Variants in AKAP19 observed in about 807,000 individuals in gnomAD.
AKAP19 encodes A-kinase anchoring protein 19.
the AKAP19 span, among the ~76,000 whole-genome samples, chr2:190,058,818 T>A: frequency 6.6e-6 from 1 of 151,800 alleles, no homozygotes; most frequent in African/African-American, 2.4e-5. Context: ...TACAGAGTAG[T>A]ATAAGGTACT....
the AKAP19 span, among the ~76,000 whole-genome samples, chr2:189,928,025 G>A: frequency 9.9e-5 from 15 of 152,052 alleles, no homozygotes; most frequent in East Asian, 5.8e-4. Flanking sequence ...GAATGATTGC[G>A]CAATCAAGTG....
the AKAP19 span, among the ~76,000 whole-genome samples, chr2:190,101,340 C>T: frequency 6.6e-6 from 1 of 152,222 alleles, no homozygotes. Flanking sequence ...ACAAGGCTTG[C>T]AGCCAGGACC....
the AKAP19 span, chr2:189,917,638 C>T: frequency 3.2e-6 from 1 of 310,642 alleles, no homozygotes; most frequent in African/African-American, 2.2e-5. Context: ...TTTCTTGTAT[C>T]CAAGTTAGCT....
chr2:190,184,185 CA>C, the AKAP19 span, among the ~76,000 whole-genome samples: 3 of 152,082 alleles, frequency 2.0e-5, no homozygotes, highest in East Asian at 5.8e-4. Context: ...GAGTGTTTCA[CA>C]AGGGGCTGAA....
At chr2:190,052,139 A>T in the AKAP19 span, among the ~76,000 whole-genome samples, 127 of 152,140 alleles carry the variant, frequency 8.3e-4, 1 homozygote, top group Non-Finnish European at 1.2e-4. Context: ...TTTCTTTACT[A>T]TAATTTTTAT....
chr2:190,030,805 A>G, the AKAP19 span, among the ~76,000 whole-genome samples: 1 of 152,238 alleles, frequency 6.6e-6, no homozygotes, highest in African/African-American at 2.4e-5. Flanking sequence ...AGACACAGAA[A>G]AGTAAAAGCA....
At chr2:190,021,901 G>A in the AKAP19 span, among the ~76,000 whole-genome samples, 8 of 152,082 alleles carry the variant, frequency 5.3e-5, no homozygotes, top group Non-Finnish European at 1.2e-4. Context: ...CTTACATTAC[G>A]GAGGCCAAGA....
chr2:190,072,336 A>G, the AKAP19 span, among the ~76,000 whole-genome samples: 3 of 152,134 alleles, frequency 2.0e-5, no homozygotes, highest in Non-Finnish European at 4.4e-5. Flanking sequence ...GGATGATGGG[A>G]CCAATCATAC....
the AKAP19 span, among the ~76,000 whole-genome samples, chr2:190,099,886 A>C: frequency 4.6e-5 from 7 of 152,220 alleles, no homozygotes; most frequent in African/African-American, 1.7e-4. Context: ...AAACTTCTTT[A>C]GGTATGAAGC....
chr2:190,066,537 T>A, the AKAP19 span, among the ~76,000 whole-genome samples: 2 of 152,212 alleles, frequency 1.3e-5, no homozygotes, highest in Non-Finnish European at 2.9e-5. Context: ...TTGGTATTAC[T>A]TTATGCTGAT....
the AKAP19 span, among the ~76,000 whole-genome samples, chr2:190,121,657 A>T: frequency 1.3e-5 from 2 of 152,226 alleles, no homozygotes; most frequent in South Asian, 4.1e-4. Flanking sequence ...GGATTAAGGA[A>T]TTAATATTAC....
chr2:189,950,313 C>T, the AKAP19 span, among the ~76,000 whole-genome samples: 1 of 149,474 alleles, frequency 6.7e-6, no homozygotes, highest in Admixed American at 6.7e-5. Context: ...CAGGCGTGAG[C>T]CATGGCGCCC....
chr2:189,967,636 A>G, the AKAP19 span, among the ~76,000 whole-genome samples: 1 of 152,116 alleles, frequency 6.6e-6, no homozygotes, highest in African/African-American at 2.4e-5. Flanking sequence ...AAATGATCCT[A>G]TATAAAAGAT....
the AKAP19 span, among the ~76,000 whole-genome samples, chr2:189,990,209 T>A: frequency 6.6e-6 from 1 of 152,202 alleles, no homozygotes; most frequent in Non-Finnish European, 1.5e-5. Flanking sequence ...CTTGCTTTTT[T>A]TGATTTTAGG....
chr2:190,036,763 G>T, the AKAP19 span, among the ~76,000 whole-genome samples: 1 of 152,196 alleles, frequency 6.6e-6, no homozygotes, highest in Non-Finnish European at 1.5e-5. Context: ...GAGTGCCACA[G>T]TGAAGCCCTA....
At chr2:189,904,327 C>T in the AKAP19 span, among the ~76,000 whole-genome samples, 4 of 151,904 alleles carry the variant, frequency 2.6e-5, no homozygotes, top group African/African-American at 9.7e-5. Flanking sequence ...AGTGACCAAC[C>T]CAAGGTTAGG....
chr2:189,919,218 C>G, the AKAP19 span, among the ~76,000 whole-genome samples: 2 of 151,936 alleles, frequency 1.3e-5, no homozygotes, highest in Admixed American at 6.6e-5. Flanking sequence ...AGAAAGCAGA[C>G]GAGTAGTTGC....
At chr2:190,191,664 G>A in the AKAP19 span, among the ~76,000 whole-genome samples, 1 of 152,196 alleles carries the variant, frequency 6.6e-6, no homozygotes, top group East Asian at 1.9e-4. Flanking sequence ...CATTCTAACA[G>A]CTACATAGTG....
chr2:190,147,456 G>A, the AKAP19 span, among the ~76,000 whole-genome samples: 1 of 152,064 alleles, frequency 6.6e-6, no homozygotes, highest in Non-Finnish European at 1.5e-5. Context: ...TGTTCTTTTT[G>A]CTTAGTCTTG....
Sources: gnomAD v4.1 joint callset for allele counts (sites outside exome capture counted in the v4.1 genomes callset) on GRCh38, gnomAD v4.1.1 for gene constraint, MANE v1.5 for transcripts, NCBI Gene and HGNC (gene_info 2026-07-23, HGNC 2026-07-21) for gene names.